EPHA5: variants seen among roughly 807,000 people sequenced by gnomAD.
The protein encoded by EPHA5 is EPH receptor A5.
In EPHA5, 60 loss-of-function variants were observed where a neutral mutation model predicts 105.0. That is an observed-to-expected ratio of 0.57 (90% CI 0.46 to 0.71). The LOEUF (loss-of-function observed/expected upper bound fraction) is 0.71, where lower values mean the gene tolerates loss of function less well. Ranked by LOEUF, EPHA5 falls within the 30% of genes least tolerant of loss-of-function variation. The pLI is 0.00. For synonymous variants in EPHA5, 513 were observed against 449.1 expected (o/e 1.14, Z -1.80); for missense variants, 1,218 against 1,274.7 (o/e 0.96, Z 0.68).
At chr4:65,352,978 T>C (rs73218305) in intron 12 of EPHA5, 64 bp downstream of exon 12, 1 of 1,147,566 alleles carries the variant, frequency 8.7e-7, no homozygotes, top group Non-Finnish European at 1.2e-6. Context: ...AGCATCATCA[T>C]CACAGCACAA....
intron 4 of EPHA5, among the ~76,000 whole-genome samples, chr4:65,494,760 CAA>C (rs920791613): frequency 1.3e-5 from 2 of 152,020 alleles, no homozygotes; most frequent in Non-Finnish European, 2.9e-5. Flanking sequence ...AGAACCCTAG[CAA>C]AAAAATTGGT....
At chr4:65,517,807 T>C (rs1315146247) in intron 3 of EPHA5, among the ~76,000 whole-genome samples, 1 of 151,974 alleles carries the variant, frequency 6.6e-6, no homozygotes, top group Non-Finnish European at 1.5e-5. Flanking sequence ...TACAAAAATG[T>C]AGCCCTTTCC....
rs147492978 is a variant in EPHA5 at position 65,613,507 on chromosome 4, A to T, written c.247-11203T>A. Among the ~76,000 whole-genome samples, 1,364 of 152,108 alleles carry T rather than the reference A, an allele frequency of 9.0e-3. 7 individuals are homozygous for T. The highest frequency in any genetic ancestry group is 0.031 in the Middle Eastern group (9 of 294). On this transcript the variant is annotated intron_variant, in intron 2 of 16. Transcript: ENST00000613740. Reference sequence around the variant, plus strand: ...TGTATTGATTCTTCCAATCCATAAGAATGGGATGATCTTCAATTTGTTTGT... The same window carrying T: ...TGTATTGATTCTTCCAATCCATAAGTATGGGATGATCTTCAATTTGTTTGT...
chr4:65,478,752 G>T (rs1730073832), intron 5 of EPHA5, among the ~76,000 whole-genome samples: 1 of 152,134 alleles, frequency 6.6e-6, no homozygotes, highest in Admixed American at 6.5e-5. Context: ...GATTGTAAGT[G>T]TGAGCCAAGG....
chr4:65,409,732 T>C (rs1351146246), intron 7 of EPHA5, among the ~76,000 whole-genome samples: 1 of 152,164 alleles, frequency 6.6e-6, no homozygotes, highest in Middle Eastern at 3.2e-3. Context: ...GGCATAATTT[T>C]TAATAAGTAA....
intron 11 of EPHA5, among the ~76,000 whole-genome samples, chr4:65,355,657 A>G (rs1723230047): frequency 6.6e-6 from 1 of 151,590 alleles, no homozygotes; most frequent in South Asian, 2.1e-4. Context: ...CAGAATTTAT[A>G]CCAGCGATAA....
chr4:65,369,930 G>T (rs1041994948), intron 8 of EPHA5, among the ~76,000 whole-genome samples: 4 of 152,112 alleles, frequency 2.6e-5, no homozygotes, highest in Non-Finnish European at 4.4e-5. Context: ...TCTTGCCACT[G>T]CACTCCAGCC....
intron 5 of EPHA5, among the ~76,000 whole-genome samples, chr4:65,468,778 C>G (rs1729008805): frequency 6.7e-6 from 1 of 149,632 alleles, no homozygotes; most frequent in South Asian, 2.1e-4. Context: ...AATAGACAAG[C>G]TTTCACAAAA....
intron 5 of EPHA5, among the ~76,000 whole-genome samples, chr4:65,438,364 A>G (rs1578118207): frequency 6.6e-6 from 1 of 151,532 alleles, no homozygotes; most frequent in Non-Finnish European, 1.5e-5. Flanking sequence ...TTAACATTTA[A>G]TTGTTGGAAA....
intron 3 of EPHA5, among the ~76,000 whole-genome samples, chr4:65,582,224 T>C (rs1013845696): frequency 6.6e-6 from 1 of 151,710 alleles, no homozygotes; most frequent in African/African-American, 2.4e-5. Flanking sequence ...AATTTCCATA[T>C]GACAAACAAT....
intron 5 of EPHA5, among the ~76,000 whole-genome samples, chr4:65,423,564 C>T (rs1250807066): frequency 6.6e-6 from 1 of 151,672 alleles, no homozygotes; most frequent in Non-Finnish European, 1.5e-5. Context: ...GGTTTATAGT[C>T]GAATACTTTA....
chr4:65,561,147 T>A (rs1738969606), intron 3 of EPHA5, among the ~76,000 whole-genome samples: 2 of 151,906 alleles, frequency 1.3e-5, no homozygotes, highest in Non-Finnish European at 2.9e-5. Context: ...ATTTCCTCCG[T>A]ACCAACTGTA....
At chr4:65,358,252 C>T (rs1723498479) in intron 11 of EPHA5, among the ~76,000 whole-genome samples, 1 of 151,420 alleles carries the variant, frequency 6.6e-6, no homozygotes, top group South Asian at 2.1e-4. Flanking sequence ...AAACCATTAG[C>T]TCATCAATAA....
At chr4:65,642,666 T>G (rs1233402528) in intron 2 of EPHA5, among the ~76,000 whole-genome samples, 2 of 152,062 alleles carry the variant, frequency 1.3e-5, no homozygotes, top group African/African-American at 4.8e-5. Context: ...AGTAAAGGAC[T>G]GATTCACACA....
At chr4:65,531,923 C>T (rs1363959374) in intron 3 of EPHA5, among the ~76,000 whole-genome samples, 1 of 152,192 alleles carries the variant, frequency 6.6e-6, no homozygotes, top group Middle Eastern at 3.2e-3. Context: ...ATAAGCCTAT[C>T]TCAAAAGACT....
At chr4:65,507,852 T>C (rs555688667) in intron 3 of EPHA5, among the ~76,000 whole-genome samples, 3 of 152,178 alleles carry the variant, frequency 2.0e-5, no homozygotes, top group Admixed American at 2.0e-4. Context: ...CTTGAAACCA[T>C]GACAAAAATA....
At chr4:65,551,276 GTGTGTA>G (rs1185756794) in intron 3 of EPHA5, among the ~76,000 whole-genome samples, 188 of 100,674 alleles carry the variant, frequency 1.9e-3, no homozygotes, top group African/African-American at 7.1e-3. Context: ...GTGTGTGTGT[GTGTGTA>G]TATATATATA....
intron 1 of EPHA5, among the ~76,000 whole-genome samples, chr4:65,663,378 C>A (rs1005839983): frequency 6.6e-6 from 1 of 152,070 alleles, no homozygotes; most frequent in African/African-American, 2.4e-5. Context: ...AAGTGGGACA[C>A]CTACTAAATT....
chr4:65,666,993 C>A (rs543481983), intron 1 of EPHA5, among the ~76,000 whole-genome samples: 1 of 152,130 alleles, frequency 6.6e-6, no homozygotes, highest in Non-Finnish European at 1.5e-5. Flanking sequence ...CACACACATA[C>A]ACACACAGTC....
Sources: allele counts gnomAD v4.1 joint callset (sites outside exome capture counted in the v4.1 genomes callset), GRCh38; gene constraint gnomAD v4.1.1; transcripts MANE v1.5; gene names NCBI Gene and HGNC (gene_info 2026-07-23, HGNC 2026-07-21).